Variants in DEFB127 observed in about 807,000 individuals in gnomAD.
DEFB127 encodes the protein defensin beta 127, also known as beta-defensin 127.
DEFB127 carries 2 observed loss-of-function variants against 2.4 expected under a neutral mutation model. That is an observed-to-expected ratio of 0.82 (90% confidence interval 0.34 to 2.58). The LOEUF is 2.58. DEFB127 is among the 30% of genes most tolerant of loss of function. The pLI, the probability that DEFB127 is intolerant of heterozygous loss-of-function variation, is 0.11. For synonymous variants in DEFB127, 37 were observed against 39.8 expected, an observed-to-expected ratio of 0.93 and a Z score of 0.26; for missense variants, 110 against 113.2, an observed-to-expected ratio of 0.97 and a Z score of 0.13.
At chr20:158,478 G>C (rs2054711903) in intron 1 of DEFB127, among the ~76,000 whole-genome samples, 1 of 152,114 alleles carries the variant, frequency 6.6e-6, no homozygotes, top group Admixed American at 6.5e-5. Context: ...TAGTTCCATA[G>C]CCTAGAATCA....
In DEFB127 at chr20:157,536, A is replaced by C; in HGVS notation, c.-9A>C. The C allele has an allele frequency of 1.3e-6, 2 of 1,579,270 alleles. No individual in the cohort carries two copies. Among genetic ancestry groups the C allele is most frequent in the Non-Finnish European group, 8.6e-7 (1 of 1,160,268 alleles). ...AGCTTTGGCTGCACCTCTTCTGGAA[A>C]GCCTGGCCATGGGGCTCTTCATGAT... On this transcript the variant is annotated 5_prime_UTR_variant, in exon 1 of 2. Transcript: ENST00000382388.
Position 158,795 on chromosome 20 carries a change from G to T in DEFB127, c.71G>T (p.Cys24Phe). The change falls in exon 2 of 2, where the codon TGC becomes TTC. Residue 24 changes from cysteine (C) to phenylalanine (F), a missense_variant. Transcript: ENST00000382388. ...ATAGTAACCGAACAACTTAAGAAGT[G>T]CTGGAATAACTATGTACAAGGACAT... ...KPTVTEQLKK[C>F]WNNYVQGHCR... 6.2e-7 allele frequency: 1 copy of T among 1,612,752 alleles called. No individual in the cohort carries two copies.
rs2054707413 is a variant in DEFB127, at chr20:157,564, T to C, written c.20T>C (p.Ile7Thr). 2 of 1,613,876 alleles carry C rather than the reference T, an allele frequency of 1.2e-6. No individual in the cohort carries two copies. The highest frequency in any genetic ancestry group is 1.1e-5 in the South Asian group (1 of 91,086). Residue 7 changes from isoleucine to threonine, a missense_variant, in exon 1 of 2, where the codon ATT becomes ACT. Physicochemically the swap from Ile to Thr is moderately conservative, Grantham distance 89. Coordinates refer to ENST00000382388, the MANE Select transcript of DEFB127 (RefSeq NM_139074.4). MGLFMIIAILLFQKPTV... is the reference protein window; with the variant it reads MGLFMITAILLFQKPTV... ...CTGGCCATGGGGCTCTTCATGATCA[T>C]TGCAATTCTGCTGTTCCAGAAACCC...
At position 159,114 on chromosome 20, in the gene DEFB127, G is replaced by A; in HGVS notation, c.*90G>A. 2 of 1,394,256 alleles carry A rather than the reference G, an allele frequency of 1.4e-6. No homozygotes were observed. Among genetic ancestry groups the A allele is most frequent in the Non-Finnish European group, 9.6e-7 (1 of 1,036,680 alleles). 86.4% of individuals were successfully genotyped at this position (1,394,256 alleles called of 1,614,324 possible). A position where few individuals can be genotyped will look rare whatever the true frequency, so the allele number is the denominator to read the frequency against. On this transcript the variant is annotated 3_prime_UTR_variant, in exon 2 of 2. Transcript: ENST00000382388. ...TACATCTTCTTCCTTTTGGTTTCTT[G>A]ATCCTTAAAATGACCTTCGAGCATA...
Position 158,798 on chromosome 20 carries a change from G to C in DEFB127, c.74G>C (p.Trp25Ser). The change falls in exon 2 of 2, where the codon TGG becomes TCG. Residue 25 changes from tryptophan to serine, a missense_variant. Transcript: ENST00000382388. Reference protein sequence around the residue: ...PTVTEQLKKCWNNYVQGHCRK... With the variant: ...PTVTEQLKKCSNNYVQGHCRK... The stretch of plus-strand genomic sequence containing the variant: ...GTAACCGAACAACTTAAGAAGTGCT[G>C]GAATAACTATGTACAAGGACATTGC... 4 of 1,612,826 alleles carry C rather than the reference G, an allele frequency of 2.5e-6. No individual in the cohort carries two copies. In the South Asian group the frequency reaches 4.4e-5, roughly 18 times the overall value.
chr20:157,906 T>C (rs2054708930), intron 1 of DEFB127, among the ~76,000 whole-genome samples: 1 of 146,768 alleles, frequency 6.8e-6, no homozygotes, highest in African/African-American at 2.5e-5. Flanking sequence ...TGCTCAGCTA[T>C]ATTTCCTTTT....
chr20:157,600 C>A lies in DEFB127; in HGVS notation c.49+7C>A. The A allele has an allele frequency of 6.2e-7, 1 of 1,613,788 alleles. No individual in the cohort carries two copies. Among genetic ancestry groups the A allele is most frequent in the Non-Finnish European group, 8.5e-7 (1 of 1,179,836 alleles). On this transcript the variant is annotated splice_region_variant and intron_variant, in intron 1 of 1. Transcript: ENST00000382388. ...CTGTTCCAGAAACCCACAGGTAAAC[C>A]AAACCAGAAGCTCACTCAAATCAAC...
At chr20:158,721 G>A (rs6055460) in intron 1 of DEFB127, 53 bp from the exon 2 acceptor site, 951,501 of 1,545,564 alleles carry the variant, frequency 0.62, 294,665 homozygotes, top group Non-Finnish European at 0.63. Context: ...CAAAACCAAC[G>A]TGCCTTCAGT....
chr20:157,691 C>A, intron 1 of DEFB127, 98 bp downstream of exon 1: 1 of 1,350,348 alleles, frequency 7.4e-7, no homozygotes, highest in Non-Finnish European at 1.0e-6. Context: ...GAAATAGAGC[C>A]CCCAAAGATG....
At chr20:158,247 T>C (rs1185665660) in intron 1 of DEFB127, among the ~76,000 whole-genome samples, 6 of 152,160 alleles carry the variant, frequency 3.9e-5, no homozygotes, top group Non-Finnish European at 8.8e-5. Context: ...TTCCTGACCC[T>C]CTACATTCCT....
Position 159,132 on chromosome 20 carries a change from C to G in DEFB127, c.*108C>G. On this transcript the variant is annotated 3_prime_UTR_variant, in exon 2 of 2. Coordinates refer to ENST00000382388, the MANE Select transcript of DEFB127 (RefSeq NM_139074.4). The stretch of plus-strand genomic sequence containing the variant: ...GTTTCTTGATCCTTAAAATGACCTT[C>G]GAGCATATTCTAATAAAGTGCATTG... The G allele has an allele frequency of 7.9e-7, 1 of 1,273,874 alleles. No homozygotes were observed. 78.9% of individuals were successfully genotyped at this position (1,273,874 alleles called of 1,614,324 possible). A position where few individuals can be genotyped will look rare whatever the true frequency, so the allele number is the denominator to read the frequency against.
At chr20:157,962 T>C (rs3859673) in intron 1 of DEFB127, among the ~76,000 whole-genome samples, 90,446 of 151,040 alleles carry the variant, frequency 0.6, 27,232 homozygotes, top group Non-Finnish European at 0.63. Context: ...TGTGTGTGTG[T>C]GCATGAATAG....
rs891508669 is a variant in DEFB127 at position 159,092 on chromosome 20, A to G, written c.*68A>G. The G allele has an allele frequency of 2.7e-6, 4 of 1,477,072 alleles. No homozygotes were observed. The highest frequency in any genetic ancestry group is 3.6e-6 in the Non-Finnish European group (4 of 1,099,790). 91.5% of individuals were successfully genotyped at this position (1,477,072 alleles called of 1,614,324 possible). A position where few individuals can be genotyped will look rare whatever the true frequency, so the allele number is the denominator to read the frequency against. On this transcript the variant is annotated 3_prime_UTR_variant, in exon 2 of 2. Transcript: ENST00000382388. ...AATAAACTAAGGTGATGAGATATAC[A>G]TCTTCTTCCTTTTGGTTTCTTGATC...
Position 158,870 on chromosome 20 carries a change from A to G in DEFB127, c.146A>G (p.Asn49Ser). Residue 49 changes from asparagine (N) to serine (S), a missense_variant, in exon 2 of 2, where the codon AAT becomes AGT. Asn to Ser is a conservative substitution (Grantham distance 46). Transcript: ENST00000382388. ...VNEVPEALCENGRYCCLNIKE... is the reference protein window; with the variant it reads ...VNEVPEALCESGRYCCLNIKE... ...GAAGTGCCTGAGGCACTATGTGAAA[A>G]TGGGAGATACTGTTGCCTCAATATC... The G allele has an allele frequency of 6.2e-7, 1 of 1,613,838 alleles. No homozygotes were observed. Among genetic ancestry groups the G allele is most frequent in the Non-Finnish European group, 8.5e-7 (1 of 1,179,830 alleles).
Position 159,103 on chromosome 20 carries a change from T to C in DEFB127, c.*79T>C. Reference sequence around the variant, plus strand: ...GTGATGAGATATACATCTTCTTCCTTTTGGTTTCTTGATCCTTAAAATGAC... The same window carrying C: ...GTGATGAGATATACATCTTCTTCCTCTTGGTTTCTTGATCCTTAAAATGAC... On this transcript the variant is annotated 3_prime_UTR_variant, in exon 2 of 2. Transcript: ENST00000382388. 6.9e-7 allele frequency: 1 copy of C among 1,448,178 alleles called. No homozygotes were observed. Among genetic ancestry groups the C allele is most frequent in the Non-Finnish European group, 9.3e-7 (1 of 1,077,994 alleles). The allele number at this position is 1,448,178 out of a possible 1,614,324, so 89.7% of individuals were successfully genotyped here.
rs761827258 is a variant in DEFB127 at position 158,914 on chromosome 20, A to T, written c.190A>T (p.Lys64Ter). ...CLNIKELEAC[K>*]KITKPPRPKP... ...CAATATCAAGGAACTGGAAGCATGT[A>T]AAAAAATTACAAAGCCACCTCGTCC... The change falls in exon 2 of 2, where the codon AAA (lysine) becomes TAA (stop). Residue 64 changes from lysine to a stop codon, truncating the protein, a stop_gained. Coordinates refer to ENST00000382388, the MANE Select transcript of DEFB127 (RefSeq NM_139074.4). LOFTEE classifies it low-confidence loss of function (END_TRUNC). The T allele has an allele frequency of 6.2e-7, 1 of 1,613,726 alleles. No individual in the cohort carries two copies. The highest frequency in any genetic ancestry group is 2.2e-5 in the East Asian group (1 of 44,872).
In DEFB127 at chr20:158,956, G is replaced by T. The variant is rs753519189; in HGVS notation, c.232G>T (p.Ala78Ser). The change falls in exon 2 of 2, where the codon GCA (alanine) becomes TCA (serine). Residue 78 changes from alanine (A) to serine (S), a missense_variant. Physicochemically the swap from Ala to Ser is moderately conservative, Grantham distance 99. Transcript: ENST00000382388. ...KPPRPKPATL[A>S]LTLQDYVTII... ...ACCTCGTCCAAAGCCAGCAACACTT[G>T]CACTGACTCTTCAAGACTATGTTAC... 6.2e-7 allele frequency: 1 copy of T among 1,613,590 alleles called. No individual in the cohort carries two copies. Among genetic ancestry groups the T allele is most frequent in the South Asian group, 1.1e-5 (1 of 91,054 alleles).
In DEFB127 at chr20:158,872, G is replaced by A. The variant is rs778354085; in HGVS notation, c.148G>A (p.Gly50Arg). The change falls in exon 2 of 2, where the codon GGG (glycine) becomes AGG (arginine). Residue 50 changes from glycine (G) to arginine (R), a missense_variant. Physicochemically the swap from Gly to Arg is moderately radical, Grantham distance 125. Coordinates refer to ENST00000382388, the MANE Select transcript of DEFB127 (RefSeq NM_139074.4). Reference protein sequence around the residue: ...NEVPEALCENGRYCCLNIKEL... With the variant: ...NEVPEALCENRRYCCLNIKEL... ...AGTGCCTGAGGCACTATGTGAAAAT[G>A]GGAGATACTGTTGCCTCAATATCAA... 6.2e-7 allele frequency: 1 copy of A among 1,613,762 alleles called. No individual in the cohort carries two copies. Among genetic ancestry groups the A allele is most frequent in the Non-Finnish European group, 8.5e-7 (1 of 1,179,822 alleles).
In DEFB127 at chr20:159,016, TC is replaced by T. The variant is rs1278258076; in HGVS notation, c.293del (p.Ser98LeufsTer20). On this transcript the variant is annotated frameshift_variant, in exon 2 of 2. Transcript: ENST00000382388. LOFTEE classifies it high-confidence loss of function. Reference sequence around the variant, plus strand: ...AAATTTCCCAAGCCTGAAGACACAGTCTACATAAATCAAATACAATTTCGTT... The same window carrying T: ...AAATTTCCCAAGCCTGAAGACACAGTTACATAAATCAAATACAATTTCGTT... ...IENFPSLKTQ[S>X]T The T allele has an allele frequency of 6.3e-7, 1 of 1,597,332 alleles. No homozygotes were observed. Among genetic ancestry groups the T allele is most frequent in the East Asian group, 2.2e-5 (1 of 44,758 alleles).
Sources: allele counts gnomAD v4.1 joint callset (sites outside exome capture counted in the v4.1 genomes callset), GRCh38; gene constraint gnomAD v4.1.1; transcripts MANE v1.5; gene names NCBI Gene and HGNC (gene_info 2026-07-23, HGNC 2026-07-21).